The following PTBP1 variants were observed in gnomAD, a reference collection of about 807,000 sequenced individuals.
The protein encoded by PTBP1 is polypyrimidine tract-binding protein 1.
In PTBP1, 8 loss-of-function variants were observed where a neutral mutation model predicts 59.8. The ratio of observed to expected loss-of-function variants is 0.13; its 90% CI spans 0.08 to 0.24. The LOEUF is 0.24. Among genes scored for constraint, PTBP1 ranks in the 10% least tolerant of loss-of-function variants. The probability of loss-of-function intolerance (pLI) is 1.00; values close to 1 mark genes in which losing one functional copy is unlikely to be tolerated. For missense variants in PTBP1, 686 were observed against 767.0 expected (o/e 0.89, Z 1.25); for synonymous variants, 490 against 320.7 (o/e 1.53, Z -5.64).
At chr19:803,928 G>A (rs1279207551) in intron 3 of PTBP1, 108 bp from the exon 4 acceptor site, 3 of 1,326,136 alleles carry the variant, frequency 2.3e-6, no homozygotes, top group Non-Finnish European at 3.2e-6. Flanking sequence ...CCCTCCTGGG[G>A]CTCAGGGTTG....
chr19:800,087 C>T (rs1382572167), intron 2 of PTBP1, among the ~76,000 whole-genome samples: 1 of 142,276 alleles, frequency 7.0e-6, no homozygotes, highest in Non-Finnish European at 1.5e-5. Context: ...CCACCATGCC[C>T]AGCTAATTTT....
At position 808,541 on chromosome 19, in the gene PTBP1, C is replaced by G. The variant is rs1206555750; in HGVS notation, c.1247-5C>G. ...CGCCTGGTCACGCGGGTGCTGCTCC[C>G]CCAGCCATGAGCCACCTGAACGGGC... On this transcript the variant is annotated splice_polypyrimidine_tract_variant and splice_region_variant and intron_variant, in intron 12 of 14. Transcript: ENST00000356948. This position sits in a 1 kb window ranked among gnomAD's most constrained non-coding sequence, Gnocchi z 4.7. 1 of 1,583,756 alleles carries G rather than the reference C, an allele frequency of 6.3e-7. No individual in the cohort carries two copies. The highest frequency in any genetic ancestry group is 1.3e-5 in the African/African-American group (1 of 74,104).
At chr19:800,213 T>C (rs1231888197) in intron 2 of PTBP1, among the ~76,000 whole-genome samples, 1 of 151,910 alleles carries the variant, frequency 6.6e-6, no homozygotes, top group Non-Finnish European at 1.5e-5. Context: ...GGATTACAGT[T>C]GTGAGCCGCC....
intron 2 of PTBP1, 52 bp downstream of exon 2, chr19:799,495 A>C: frequency 1.3e-6 from 2 of 1,590,002 alleles, no homozygotes; most frequent in Non-Finnish European, 1.7e-6. Flanking sequence ...CCTTGTGCCG[A>C]CCCCGGGGGC....
chr19:805,110 G>A lies in PTBP1; in HGVS notation c.815G>A (p.Ser272Asn), dbSNP rs757674911. 6.2e-7 allele frequency: 1 copy of A among 1,613,892 alleles called. No individual in the cohort carries two copies. Among genetic ancestry groups the A allele is most frequent in the Admixed American group, 1.7e-5 (1 of 60,020 alleles). ...AACGTCAAGTACAACAATGACAAGAGCCGTGACTACACACGCCCAGACCTG... is the reference window on the plus strand; with the variant it reads ...AACGTCAAGTACAACAATGACAAGAACCGTGACTACACACGCCCAGACCTG... ...SLNVKYNNDK[S>N]RDYTRPDLPS... The change falls in exon 8 of 15, where the codon AGC (serine) becomes AAC (asparagine). Residue 272 changes from serine to asparagine, a missense_variant. Transcript: ENST00000356948.
In PTBP1 at chr19:804,700, C is replaced by G; in HGVS notation, c.604C>G (p.Gln202Glu). ...CCCTGTGACCCTGGATGTGCTGCAC[C>G]AGGTGAGGTGGTCCCATCACCGCCA... ...FYPVTLDVLH[Q>E]IFSKFGTVLK... Residue 202 changes from glutamine to glutamate, a missense_variant and splice_region_variant, in exon 6 of 15, where the codon CAG (glutamine) becomes GAG (glutamate). Gln to Glu is a conservative substitution (Grantham distance 29, BLOSUM62 2). Coordinates refer to ENST00000356948, the MANE Select transcript of PTBP1 (RefSeq NM_002819.5). 1 of 1,611,600 alleles carries G rather than the reference C, an allele frequency of 6.2e-7. No individual in the cohort carries two copies. The highest frequency in any genetic ancestry group is 8.5e-7 in the Non-Finnish European group (1 of 1,178,460).
At chr19:809,050 C>T (rs542462861) in intron 13 of PTBP1, among the ~76,000 whole-genome samples, 1 of 152,120 alleles carries the variant, frequency 6.6e-6, no homozygotes, top group Non-Finnish European at 1.5e-5. Flanking sequence ...GCTTTGTCAC[C>T]CAGGCTGGAG....
At chr19:805,876 C>T (rs961917897) in intron 9 of PTBP1, 11 of 418,336 alleles carry the variant, frequency 2.6e-5, no homozygotes, top group African/African-American at 8.1e-5. Flanking sequence ...GGAGGGATGT[C>T]TCTAGTAGTT....
In PTBP1 at chr19:811,779, C is replaced by G. The variant is rs1340143670; in HGVS notation, c.*953C>G. On this transcript the variant is annotated 3_prime_UTR_variant, in exon 15 of 15. Coordinates refer to ENST00000356948, the MANE Select transcript of PTBP1 (RefSeq NM_002819.5). ...CCGCCTCTGGCATCGCCTCCGGTTG[C>G]CTTACACCACGCCTTCACCTGCAGT... 2 of 152,468 alleles carry G rather than the reference C, an allele frequency of 1.3e-5. No individual in the cohort carries two copies. Among genetic ancestry groups the G allele is most frequent in the African/African-American group, 4.8e-5 (2 of 41,462 alleles). 9.4% of individuals were successfully genotyped at this position (152,468 alleles called of 1,614,324 possible).
chr19:812,142 G>GGGGACCCCAC lies in PTBP1; in HGVS notation c.*1318_*1327dup, dbSNP rs1568281129. 1 of 152,410 alleles carries GGGGACCCCAC rather than the reference G, an allele frequency of 6.6e-6. No individual in the cohort carries two copies. The highest frequency in any genetic ancestry group is 1.9e-4 in the East Asian group (1 of 5,194). The allele number at this position is 152,410 out of a possible 1,614,324, so 9.4% of individuals were successfully genotyped here. A position where few individuals can be genotyped will look rare whatever the true frequency, so the allele number is the denominator to read the frequency against. On this transcript the variant is annotated 3_prime_UTR_variant, in exon 15 of 15. Transcript: ENST00000356948. ...TCAGTATTGTGACCGCGGAGCCACA[G>GGGGACCCCAC]GGGACCCCACGCACATTCCGTTGCC...
chr19:798,656 C>T (rs1271797529), intron 1 of PTBP1: 1 of 152,230 alleles, frequency 6.6e-6, no homozygotes, highest in African/African-American at 2.4e-5. Context: ...CGGAGGCTGC[C>T]CTTCCGACGG....
At chr19:807,788 G>T in intron 10 of PTBP1, 81 bp from the exon 11 acceptor site, 4 of 1,076,398 alleles carry the variant, frequency 3.7e-6, no homozygotes, top group Admixed American at 3.6e-5. Flanking sequence ...TGTCTTCCTC[G>T]TGTGGACGAT....
At position 804,646 on chromosome 19, in the gene PTBP1, C is replaced by G. The variant is rs1428777542; in HGVS notation, c.550C>G (p.Leu184Val). ...GMAMAGQSPV[L>V]RIIVENLFYP... ...GGCGATGGCCGGGCAGAGCCCCGTGCTCAGGATCATCGTGGAGAACCTCTT... is the reference window on the plus strand; with the variant it reads ...GGCGATGGCCGGGCAGAGCCCCGTGGTCAGGATCATCGTGGAGAACCTCTT... Residue 184 changes from leucine to valine, a missense_variant, in exon 6 of 15, where the codon CTC (leucine) becomes GTC (valine). Physicochemically the swap from Leu to Val is conservative, Grantham distance 32. Transcript: ENST00000356948. The G allele has an allele frequency of 3.7e-6, 6 of 1,612,926 alleles. No individual in the cohort carries two copies. Among genetic ancestry groups the G allele is most frequent in the Non-Finnish European group, 1.7e-6 (2 of 1,179,848 alleles).
At chr19:802,261 C>T (rs538266150) in intron 2 of PTBP1, among the ~76,000 whole-genome samples, 131 of 152,300 alleles carry the variant, frequency 8.6e-4, no homozygotes, top group African/African-American at 1.8e-3. Flanking sequence ...TTTGGAGGCT[C>T]GGGCAGTCTT....
Position 805,032 on chromosome 19 carries a change from T to C in PTBP1, c.737T>C (p.Ile246Thr). ...CCTCAGTCGCTGGACGGGCAGAACATCTACAACGCCTGCTGCACGCTGCGC... is the reference window on the plus strand; with the variant it reads ...CCTCAGTCGCTGGACGGGCAGAACACCTACAACGCCTGCTGCACGCTGCGC... ...HAKLSLDGQN[I>T]YNACCTLRID... Residue 246 changes from isoleucine to threonine, a missense_variant, in exon 8 of 15, where the codon ATC becomes ACC. By Grantham distance (89) the Ile-to-Thr change is moderately conservative. Coordinates refer to ENST00000356948, the MANE Select transcript of PTBP1 (RefSeq NM_002819.5). 1 of 1,613,716 alleles carries C rather than the reference T, an allele frequency of 6.2e-7. No homozygotes were observed. The highest frequency in any genetic ancestry group is 8.5e-7 in the Non-Finnish European group (1 of 1,179,820).
chr19:802,194 G>T (rs1280500173), intron 2 of PTBP1, among the ~76,000 whole-genome samples: 2 of 152,214 alleles, frequency 1.3e-5, no homozygotes, highest in Non-Finnish European at 2.9e-5. Context: ...CCTTGAGCAG[G>T]TGCCGGAGTC....
intron 10 of PTBP1, chr19:807,657 C>A (rs2034645834): frequency 4.0e-6 from 2 of 499,278 alleles, no homozygotes; most frequent in Non-Finnish European, 7.1e-6. Context: ...AAAACAAAAA[C>A]ATAAACAAAT....
chr19:806,525 C>G lies in PTBP1; in HGVS notation c.1088C>G (p.Ser363Cys), dbSNP rs377178876. 3 of 1,554,212 alleles carry G rather than the reference C, an allele frequency of 1.9e-6. No homozygotes were observed. The highest frequency in any genetic ancestry group is 2.5e-5 in the East Asian group (1 of 40,796). ...CCGGGCCTGGCGGGGGCAGGAAATTCTGTATTGCTGGTCAGCAACCTCAAC... is the reference window on the plus strand; with the variant it reads ...CCGGGCCTGGCGGGGGCAGGAAATTGTGTATTGCTGGTCAGCAACCTCAAC... ...AIPGLAGAGN[S>C]VLLVSNLNPE... The change falls in exon 10 of 15, where the codon TCT (serine) becomes TGT (cysteine). Residue 363 changes from serine to cysteine, a missense_variant. Coordinates refer to ENST00000356948, the MANE Select transcript of PTBP1 (RefSeq NM_002819.5).
rs527844261 is a variant in PTBP1 at position 805,405 on chromosome 19, C to T, written c.893-87C>T. The stretch of plus-strand genomic sequence containing the variant: ...CGAAGGCTCTGCCGGGGCCGCCCGC[C>T]GGCCGGGTTGGGGCCCATCCCGCAG... On this transcript the variant is annotated intron_variant, in intron 8 of 14. Coordinates refer to ENST00000356948, the MANE Select transcript of PTBP1 (RefSeq NM_002819.5). 1.5e-5 allele frequency: 21 copies of T among 1,387,076 alleles called. No homozygotes were observed. In the African/African-American group the frequency reaches 1.7e-4, roughly 11 times the overall value. 85.9% of individuals were successfully genotyped at this position (1,387,076 alleles called of 1,614,324 possible).
Sources: gnomAD v4.1 joint callset for allele counts (sites outside exome capture counted in the v4.1 genomes callset) on GRCh38, gnomAD v4.1.1 for gene constraint, Gnocchi (gnomAD v3.1) non-coding constraint, MANE v1.5 for transcripts, NCBI Gene and HGNC (gene_info 2026-07-23, HGNC 2026-07-21) for gene names.